The following GPR139 variants were observed in gnomAD, a reference collection of about 807,000 sequenced individuals.
The protein encoded by GPR139 is G protein-coupled receptor 139, also known as probable G protein-coupled receptor 139.
Under a neutral mutation model 25.8 loss-of-function variants are expected in GPR139, and 12 were observed. The observed-to-expected ratio is 0.47, with a 90% CI of 0.30 to 0.75. The LOEUF (loss-of-function observed/expected upper bound fraction) is 0.75, where lower values mean the gene tolerates loss of function less well. GPR139 is among the 30% of genes least tolerant of loss of function. The pLI, the probability that GPR139 is intolerant of heterozygous loss-of-function variation, is 0.07. For missense variants in GPR139, 380 were observed against 450.2 expected (o/e 0.84, Z 1.41); for synonymous variants, 184 against 179.9 (o/e 1.02, Z -0.18).
chr16:20,041,979 T>A (rs2057338205), intron 1 of GPR139, among the ~76,000 whole-genome samples: 1 of 152,128 alleles, frequency 6.6e-6, no homozygotes, highest in Non-Finnish European at 1.5e-5. Context: ...TTACCCAAAA[T>A]ATTTGGGTAC....
intron 1 of GPR139, among the ~76,000 whole-genome samples, chr16:20,043,486 A>T (rs533066352): frequency 6.6e-6 from 1 of 152,342 alleles, no homozygotes; most frequent in Admixed American, 6.5e-5. Flanking sequence ...TTATGCATTT[A>T]GTTTTAATGG....
intron 1 of GPR139, among the ~76,000 whole-genome samples, chr16:20,070,006 A>G (rs2057454263): frequency 6.6e-6 from 1 of 152,150 alleles, no homozygotes; most frequent in South Asian, 2.1e-4. Flanking sequence ...TGGGACACCG[A>G]TTTTCTCCAC....
chr16:20,065,417 T>A (rs2057428546), intron 1 of GPR139, among the ~76,000 whole-genome samples: 1 of 152,186 alleles, frequency 6.6e-6, no homozygotes, highest in African/African-American at 2.4e-5. Context: ...ATGTTGGTTA[T>A]CATTGAGGAG....
At position 20,073,410 on chromosome 16, in the gene GPR139, G is replaced by A. The variant is rs1251509438; in HGVS notation, c.127+80C>T. Reference sequence around the variant, plus strand: ...CCGAGGGGGCGCCAGGGAACGCACGGGGGAGGACGGGGGATTCTGGGTAGG... The same window carrying A: ...CCGAGGGGGCGCCAGGGAACGCACGAGGGAGGACGGGGGATTCTGGGTAGG... On this transcript the variant is annotated intron_variant, in intron 1 of 1. Coordinates refer to ENST00000570682, the MANE Select transcript of GPR139 (RefSeq NM_001002911.4). This position sits in a 1 kb window ranked among gnomAD's most constrained non-coding sequence, Gnocchi z 4.7. 1.3e-6 allele frequency: 2 copies of A among 1,557,134 alleles called. No individual in the cohort carries two copies. The highest frequency in any genetic ancestry group is 4.8e-5 in the East Asian group (2 of 41,554).
chr16:20,031,721 C>T lies in GPR139; in HGVS notation c.*14G>A, dbSNP rs562637068. ...ATGGATTAGACAGAGGCAGTAGTTG[C>T]CACACCTATGGAATCACGGGGATAC... On this transcript the variant is annotated 3_prime_UTR_variant, in exon 2 of 2. Transcript: ENST00000570682. 2 of 1,602,764 alleles carry T rather than the reference C, an allele frequency of 1.2e-6. No homozygotes were observed. The highest frequency in any genetic ancestry group is 1.1e-5 in the South Asian group (1 of 90,452).
At chr16:20,037,002 T>C (rs2057312236) in intron 1 of GPR139, among the ~76,000 whole-genome samples, 1 of 152,102 alleles carries the variant, frequency 6.6e-6, no homozygotes, top group South Asian at 2.1e-4. Flanking sequence ...ATGGAGTTTA[T>C]AGTATAATGA....
intron 1 of GPR139, among the ~76,000 whole-genome samples, chr16:20,034,006 T>G (rs1209654534): frequency 6.8e-6 from 1 of 146,644 alleles, no homozygotes; most frequent in East Asian, 1.9e-4. Context: ...AAAGTCTCCC[T>G]GAATTAAGCA....
At chr16:20,054,986 C>T (rs1395341417) in intron 1 of GPR139, among the ~76,000 whole-genome samples, 2 of 152,186 alleles carry the variant, frequency 1.3e-5, no homozygotes, top group African/African-American at 2.4e-5. Flanking sequence ...CCTCAGCTTC[C>T]CAAAGTGCTG....
At chr16:20,059,352 C>G (rs115336470) in intron 1 of GPR139, among the ~76,000 whole-genome samples, 5,677 of 152,216 alleles carry the variant, frequency 0.037, 344 homozygotes, top group African/African-American at 0.13. Context: ...TATCTCTTCC[C>G]CATCATCTCC....
At chr16:20,069,348 A>G (rs2057450605) in intron 1 of GPR139, among the ~76,000 whole-genome samples, 2 of 148,276 alleles carry the variant, frequency 1.3e-5, no homozygotes, top group South Asian at 2.1e-4. Flanking sequence ...CCAGAGGTCC[A>G]GCTCCAGAGT....
chr16:20,044,602 G>C (rs1207411873), intron 1 of GPR139, among the ~76,000 whole-genome samples: 1 of 152,134 alleles, frequency 6.6e-6, no homozygotes, highest in Non-Finnish European at 1.5e-5. Flanking sequence ...GATCCCTACT[G>C]TTCCCTCAGA....
intron 1 of GPR139, among the ~76,000 whole-genome samples, chr16:20,063,789 A>G (rs2057422276): frequency 1.3e-5 from 2 of 152,202 alleles, no homozygotes; most frequent in South Asian, 4.1e-4. Context: ...TGAAAAGTGA[A>G]CTGAGACTTG....
chr16:20,039,718 G>A (rs1409100367), intron 1 of GPR139, among the ~76,000 whole-genome samples: 2 of 152,148 alleles, frequency 1.3e-5, no homozygotes, highest in African/African-American at 4.8e-5. Context: ...ACTGTTAAAT[G>A]TATAAACTCA....
intron 1 of GPR139, among the ~76,000 whole-genome samples, chr16:20,051,351 C>T (rs1034231177): frequency 2.6e-5 from 4 of 152,192 alleles, no homozygotes; most frequent in Non-Finnish European, 5.9e-5. Context: ...ATCTGGGTGT[C>T]CAAGAACATT....
rs1432336027 is a variant in GPR139, at chr16:20,073,784, G to A, written c.-168C>T. 1.2e-6 allele frequency: 1 copy of A among 832,030 alleles called. No homozygotes were observed. The highest frequency in any genetic ancestry group is 2.0e-5 in the South Asian group (1 of 48,960). The allele number at this position is 832,030 out of a possible 1,614,324, so 51.5% of individuals were successfully genotyped here. A position where few individuals can be genotyped will look rare whatever the true frequency, so the allele number is the denominator to read the frequency against. On this transcript the variant is annotated 5_prime_UTR_variant, in exon 1 of 2. Transcript: ENST00000570682. The surrounding 1 kb of genome is among the most constrained non-coding windows in gnomAD (Gnocchi z 4.7). ...GGCCGTGATCCCCTCTGCTCGCTCC[G>A]CACCTGCCCGCCTGGAGTCTTGGCT...
chr16:20,032,710 A>G, intron 1 of GPR139, 41 bp from the exon 2 acceptor site: 1 of 1,515,240 alleles, frequency 6.6e-7, no homozygotes, highest in African/African-American at 1.4e-5. Flanking sequence ...TGAAGCAAAG[A>G]TGACTTCGTT....
chr16:20,072,777 G>A (rs2057464251), intron 1 of GPR139, among the ~76,000 whole-genome samples: 1 of 152,152 alleles, frequency 6.6e-6, no homozygotes, highest in African/African-American at 2.4e-5. Context: ...GGTAGACCTG[G>A]AGGCCAAGCC....
At chr16:20,054,124 G>T (rs1038243271) in intron 1 of GPR139, among the ~76,000 whole-genome samples, 1 of 152,122 alleles carries the variant, frequency 6.6e-6, no homozygotes, top group African/African-American at 2.4e-5. Context: ...ACACACAGTA[G>T]GAACTTGACA....
chr16:20,033,917 G>T (rs1374896952), intron 1 of GPR139, among the ~76,000 whole-genome samples: 1 of 151,414 alleles, frequency 6.6e-6, no homozygotes, highest in Non-Finnish European at 1.5e-5. Flanking sequence ...ATAAACAGCA[G>T]CAATGTTTTA....
Sources: gnomAD v4.1 joint callset for allele counts (sites outside exome capture counted in the v4.1 genomes callset) on GRCh38, gnomAD v4.1.1 for gene constraint, Gnocchi (gnomAD v3.1) non-coding constraint, MANE v1.5 for transcripts, NCBI Gene and HGNC (gene_info 2026-07-23, HGNC 2026-07-21) for gene names.